The following TIA1 variants were observed in gnomAD, a reference collection of about 807,000 sequenced individuals.
TIA1 encodes the protein cytotoxic granule associated RNA binding protein TIA1.
A neutral mutation model predicts 65.9 loss-of-function variants in TIA1; 23 were observed. The observed-to-expected ratio is 0.35, with a 90% CI of 0.25 to 0.49. The LOEUF is 0.49. TIA1 is among the 20% of genes least tolerant of loss of function. TIA1 has a pLI of 0.98. For synonymous variants in TIA1, 147 were observed against 149.4 expected (o/e 0.98, Z 0.12); for missense variants, 371 against 477.9 (o/e 0.78, Z 2.09).
At chr2:70,216,127 A>G (rs1379584422) in intron 10 of TIA1, 81 bp downstream of exon 10, 5 of 1,194,866 alleles carry the variant, frequency 4.2e-6, no homozygotes, top group Non-Finnish European at 5.8e-6. Context: ...TTTTGGAGGA[A>G]AAAGTTTTTT....
chr2:70,233,685 G>C (rs1687530973), intron 2 of TIA1, among the ~76,000 whole-genome samples: 1 of 151,768 alleles, frequency 6.6e-6, no homozygotes, highest in African/African-American at 2.4e-5. Context: ...AGAATAGCTT[G>C]AACCTGGGAG....
rs985903489 is a variant in TIA1, at chr2:70,225,645, T to C, written c.399-1016A>G. Among the ~76,000 whole-genome samples the C allele has an allele frequency of 2.0e-4, 30 of 152,206 alleles. 1 individual carries two copies. The highest frequency in any genetic ancestry group is 1.8e-3 in the Admixed American group (27 of 15,280). ...AAAGTATACATAAGCATATTTTAGA[T>C]CAATCTGAGTGATTTATTAAGTGTT... On this transcript the variant is annotated intron_variant, in intron 6 of 12. Transcript: ENST00000433529.
At chr2:70,239,504 C>A (rs1206318160) in intron 1 of TIA1, among the ~76,000 whole-genome samples, 1 of 152,146 alleles carries the variant, frequency 6.6e-6, no homozygotes, top group Non-Finnish European at 1.5e-5. Context: ...GCAGTCTCCC[C>A]AGAATGGTAG....
intron 12 of TIA1, among the ~76,000 whole-genome samples, chr2:70,213,974 T>G (rs1409987402): frequency 1.3e-5 from 2 of 152,174 alleles, no homozygotes; most frequent in Non-Finnish European, 2.9e-5. Flanking sequence ...TTTTAACCTC[T>G]CAAGTATTTT....
chr2:70,229,195 T>C, intron 4 of TIA1, 69 bp downstream of exon 4: 3 of 1,602,142 alleles, frequency 1.9e-6, no homozygotes, highest in Non-Finnish European at 2.6e-6. Context: ...GTATGATGTT[T>C]ATAGGCTTTA....
At chr2:70,245,154 T>C (rs1296029682) in intron 1 of TIA1, among the ~76,000 whole-genome samples, 1 of 152,076 alleles carries the variant, frequency 6.6e-6, no homozygotes, top group East Asian at 1.9e-4. Context: ...ACCTAGCTAA[T>C]TTTTGTATTT....
At chr2:70,245,252 G>T (rs761458069) in intron 1 of TIA1, among the ~76,000 whole-genome samples, 1 of 152,202 alleles carries the variant, frequency 6.6e-6, no homozygotes, top group Non-Finnish European at 1.5e-5. Flanking sequence ...TTCCCAAAGT[G>T]CTGGGATTAC....
At chr2:70,218,832 A>T (rs2104024955) in intron 7 of TIA1, among the ~76,000 whole-genome samples, 1 of 152,336 alleles carries the variant, frequency 6.6e-6, no homozygotes, top group East Asian at 1.9e-4. Flanking sequence ...CTAGATTTTT[A>T]AAAAGTGTTG....
chr2:70,235,171 T>C (rs934521236), intron 2 of TIA1, among the ~76,000 whole-genome samples: 2 of 152,170 alleles, frequency 1.3e-5, no homozygotes, highest in Admixed American at 6.5e-5. Context: ...ATCCCAGTAC[T>C]TTGGGAGGCC....
intron 1 of TIA1, among the ~76,000 whole-genome samples, chr2:70,245,946 G>A (rs1694116711): frequency 8.0e-6 from 1 of 125,536 alleles, no homozygotes; most frequent in Non-Finnish European, 1.6e-5. Context: ...TTTTTGAGAT[G>A]GAGCCTCCCT....
At chr2:70,233,325 G>A (rs1001264916) in intron 2 of TIA1, among the ~76,000 whole-genome samples, 17 of 152,206 alleles carry the variant, frequency 1.1e-4, no homozygotes, top group Non-Finnish European at 2.1e-4. Context: ...TTAAAGCAAC[G>A]AGGCCAAGAC....
chr2:70,228,937 A>T, intron 5 of TIA1, 122 bp downstream of exon 5: 1 of 1,458,914 alleles, frequency 6.9e-7, no homozygotes, highest in Non-Finnish European at 9.1e-7. Context: ...ATTGCTAGAG[A>T]GACAAATAGA....
chr2:70,213,008 A>C (rs754801947), intron 12 of TIA1, among the ~76,000 whole-genome samples, 163 bp from the exon 13 acceptor site: 3 of 152,248 alleles, frequency 2.0e-5, no homozygotes, highest in Non-Finnish European at 4.4e-5. Context: ...ATCTTTTACT[A>C]AAGTTTTTTT....
intron 1 of TIA1, among the ~76,000 whole-genome samples, chr2:70,247,698 C>G (rs957644337): frequency 3.3e-5 from 5 of 152,152 alleles, no homozygotes; most frequent in Non-Finnish European, 7.3e-5. Context: ...ATGTCAATCA[C>G]AACAGTAGTA....
In TIA1 at chr2:70,248,503, G is replaced by C; in HGVS notation, c.-73C>G. 6.3e-7 allele frequency: 1 copy of C among 1,598,138 alleles called. No individual in the cohort carries two copies. Among genetic ancestry groups the C allele is most frequent in the Non-Finnish European group, 8.5e-7 (1 of 1,178,428 alleles). Reference sequence around the variant, plus strand: ...CACTACCTCCCAAATCGTTTAAGCGGTTATGGCTACAGGATAGTGGGGTTT... The same window carrying C: ...CACTACCTCCCAAATCGTTTAAGCGCTTATGGCTACAGGATAGTGGGGTTT... On this transcript the variant is annotated 5_prime_UTR_variant, in exon 1 of 13. Transcript: ENST00000433529.
chr2:70,242,889 T>C (rs766576065), intron 1 of TIA1, among the ~76,000 whole-genome samples: 2 of 151,918 alleles, frequency 1.3e-5, no homozygotes, highest in African/African-American at 4.8e-5. Context: ...ATCCCGCCCA[T>C]GGAAAAATTG....
At chr2:70,231,949 T>C (rs1219112547) in intron 2 of TIA1, among the ~76,000 whole-genome samples, 1 of 152,060 alleles carries the variant, frequency 6.6e-6, no homozygotes, top group Non-Finnish European at 1.5e-5. Context: ...ATGCCTGTAA[T>C]CCCAGCACTT....
chr2:70,244,687 T>C (rs1693454254), intron 1 of TIA1, among the ~76,000 whole-genome samples: 1 of 151,642 alleles, frequency 6.6e-6, no homozygotes, highest in African/African-American at 2.4e-5. Context: ...TACAAAAAAT[T>C]AGCCAGGCGT....
At chr2:70,227,978 TTTAAACAATG>T in intron 5 of TIA1, 156 bp from the exon 6 acceptor site, 1 of 499,856 alleles carries the variant, frequency 2.0e-6, no homozygotes, top group Non-Finnish European at 3.5e-6. Flanking sequence ...TCCTACCAAT[TTTAAACAATG>T]AATCAAGGTA....
Sources: allele counts gnomAD v4.1 joint callset (sites outside exome capture counted in the v4.1 genomes callset), GRCh38; gene constraint gnomAD v4.1.1; transcripts MANE v1.5; gene names NCBI Gene and HGNC (gene_info 2026-07-23, HGNC 2026-07-21).